SMAD7: variants seen among roughly 807,000 people sequenced by gnomAD.
SMAD7 encodes SMAD family member 7.
In SMAD7, 8 loss-of-function variants were observed where a neutral mutation model predicts 38.7. That is an observed-to-expected ratio of 0.21 (90% confidence interval 0.12 to 0.37). The LOEUF is 0.37. SMAD7 is among the 10% of genes least tolerant of loss of function. The probability of loss-of-function intolerance (pLI) is 1.00; values close to 1 mark genes in which losing one functional copy is unlikely to be tolerated. For missense variants in SMAD7, 477 were observed against 577.9 expected, an observed-to-expected ratio of 0.83 and a Z score of 1.79; for synonymous variants, 327 against 265.1, an observed-to-expected ratio of 1.23 and a Z score of -2.27.
chr18:48,936,079 C>A (rs995265090), intron 3 of SMAD7, among the ~76,000 whole-genome samples: 2 of 23,458 alleles, frequency 8.5e-5, no homozygotes, highest in Non-Finnish European at 1.2e-4. Flanking sequence ...CATCTCAAAA[C>A]ACACACACAC....
At chr18:48,942,450 A>G (rs757207548) in intron 3 of SMAD7, 31 bp downstream of exon 3, 1 of 1,472,790 alleles carries the variant, frequency 6.8e-7, no homozygotes. Context: ...AAAGGTTGGA[A>G]TTGCCAGGAA....
chr18:48,950,170 G>A lies in SMAD7; in HGVS notation c.255C>T (p.Ala85=), dbSNP rs939657757. The part of the protein sequence containing the change: ...PHPPAAGAGA[A]GGAEADLKAL... ...CCTTCAGATCCGCCTCGGCGCCCCC[G>A]GCCGCGCCGGCGCCCGCGGCTGGCG... is the stretch of plus-strand genomic sequence containing the variant. Residue 85 remains alanine, a synonymous_variant, in exon 1 of 4, where the codon GCC becomes GCT. Coordinates refer to ENST00000262158, the MANE Select transcript of SMAD7 (RefSeq NM_005904.4). The A allele has an allele frequency of 4.0e-6, 6 of 1,485,298 alleles. No individual in the cohort carries two copies. Among genetic ancestry groups the A allele is most frequent in the African/African-American group, 3.0e-5 (2 of 67,614 alleles). The allele number at this position is 1,485,298 out of a possible 1,614,324, so 92.0% of individuals were successfully genotyped here. A position where few individuals can be genotyped will look rare whatever the true frequency, so the allele number is the denominator to read the frequency against.
rs568308877 is a variant in SMAD7 at position 48,924,413 on chromosome 18, T to C, written c.743-2503A>G. ...ACCTAGGCAAGGGGTGGAAGCCTTG[T>C]CTGCCAAGGGTGGGGGCCTCTGGGG... is the stretch of plus-strand genomic sequence containing the variant. On this transcript the variant is annotated intron_variant, in intron 3 of 3. Coordinates refer to ENST00000262158, the MANE Select transcript of SMAD7 (RefSeq NM_005904.4). 3.3e-5 allele frequency among the ~76,000 whole-genome samples: 5 copies of C among 152,208 alleles called. No individual in the cohort carries two copies. In the South Asian group the frequency reaches 1.0e-3, roughly 32 times the overall value.
At chr18:48,937,230 AC>A in intron 3 of SMAD7, among the ~76,000 whole-genome samples, 1 of 151,262 alleles carries the variant, frequency 6.6e-6, no homozygotes, top group Non-Finnish European at 1.5e-5. Flanking sequence ...GTACAAGTCT[AC>A]GCAGCTACAG....
At chr18:48,922,049 G>T in intron 3 of SMAD7, 139 bp from the exon 4 acceptor site, 1 of 687,354 alleles carries the variant, frequency 1.5e-6, no homozygotes, top group Non-Finnish European at 2.4e-6. Context: ...GGTGAGGCTA[G>T]TCCTGGACTT....
intron 3 of SMAD7, among the ~76,000 whole-genome samples, chr18:48,927,348 A>G (rs1470474591): frequency 6.6e-6 from 1 of 151,942 alleles, no homozygotes; most frequent in African/African-American, 2.4e-5. Context: ...TCTCCAGTGA[A>G]GTGAGATGGC....
rs1453058176 is a variant in SMAD7 at position 48,950,429 on chromosome 18, G to A, written c.-5C>T. The A allele has an allele frequency of 1.9e-6, 3 of 1,543,930 alleles. No homozygotes were observed. The highest frequency in any genetic ancestry group is 2.6e-6 in the Non-Finnish European group (3 of 1,147,270). On this transcript the variant is annotated 5_prime_UTR_variant, in exon 1 of 4. Transcript: ENST00000262158. ...AGATCGTTTGGTCCTGAACATGCGG[G>A]GCGAGGAGGCGAGGAGAAAAGTCGT...
intron 3 of SMAD7, among the ~76,000 whole-genome samples, chr18:48,940,417 C>T (rs1427584728): frequency 6.6e-6 from 1 of 152,068 alleles, no homozygotes; most frequent in Non-Finnish European, 1.5e-5. Flanking sequence ...TGTTTTACCC[C>T]CAGTTTCTTT....
At chr18:48,949,519 C>A (rs545012464) in intron 1 of SMAD7, among the ~76,000 whole-genome samples, 1 of 152,112 alleles carries the variant, frequency 6.6e-6, no homozygotes, top group South Asian at 2.1e-4. Context: ...TAATTTTTAA[C>A]CGCAGACTGC....
intron 3 of SMAD7, among the ~76,000 whole-genome samples, chr18:48,934,304 G>T (rs1022767121): frequency 6.6e-6 from 1 of 152,102 alleles, no homozygotes; most frequent in South Asian, 2.1e-4. Flanking sequence ...CAGAACTCCT[G>T]CAGGATGAGG....
intron 3 of SMAD7, among the ~76,000 whole-genome samples, chr18:48,931,980 C>G (rs1438282245): frequency 1.7e-5 from 1 of 57,616 alleles, no homozygotes; most frequent in East Asian, 2.8e-4. Flanking sequence ...CAGAAAACAG[C>G]CCCCCCAGCA....
At chr18:48,931,326 T>TA (rs1287685458) in intron 3 of SMAD7, among the ~76,000 whole-genome samples, 1 of 152,256 alleles carries the variant, frequency 6.6e-6, no homozygotes, top group East Asian at 1.9e-4. Flanking sequence ...ATGTATATTT[T>TA]ACCACAATAA....
At chr18:48,939,539 G>T (rs528569545) in intron 3 of SMAD7, among the ~76,000 whole-genome samples, 10 of 152,044 alleles carry the variant, frequency 6.6e-5, no homozygotes, top group African/African-American at 2.2e-4. Context: ...TGCATTTCAG[G>T]AGAGGACCGG....
At position 48,948,436 on chromosome 18, in the gene SMAD7, C is replaced by T; in HGVS notation, c.615G>A (p.Glu205=). 2 of 1,591,410 alleles carry T rather than the reference C, an allele frequency of 1.3e-6. No individual in the cohort carries two copies. The highest frequency in any genetic ancestry group is 2.3e-5 in the East Asian group (1 of 44,050). Residue 205 remains glutamate (E), a splice_region_variant and synonymous_variant, in exon 2 of 4, where the codon GAG becomes GAA. Coordinates refer to ENST00000262158, the MANE Select transcript of SMAD7 (RefSeq NM_005904.4). ...ATCTGGAGTAAGGAGGGGGGGGAGACTCTGAAATTAAAAAAGCAAGAGAAA... is the reference window on the plus strand; with the variant it reads ...ATCTGGAGTAAGGAGGGGGGGGAGATTCTGAAATTAAAAAAGCAAGAGAAA... The part of the protein sequence containing the change: ...PHHLSRLCEL[E]SPPPPYSRYP...
intron 1 of SMAD7, 60 bp from the exon 2 acceptor site, chr18:48,948,497 T>G: frequency 9.8e-5 from 108 of 1,100,542 alleles, no homozygotes; most frequent in Non-Finnish European, 1.3e-4. Flanking sequence ...GATAGAAACT[T>G]ATGATAACAG....
intron 3 of SMAD7, among the ~76,000 whole-genome samples, chr18:48,924,896 C>T (rs2069907730): frequency 6.6e-6 from 1 of 152,272 alleles, no homozygotes. Context: ...CCCCGCACGA[C>T]ATCCCCCATT....
intron 1 of SMAD7, 57 bp from the exon 2 acceptor site, chr18:48,948,494 A>C: frequency 8.2e-7 from 1 of 1,220,812 alleles, no homozygotes; most frequent in Non-Finnish European, 1.2e-6. Flanking sequence ...AGAGATAGAA[A>C]CTTATGATAA....
At chr18:48,938,904 T>C (rs1393500819) in intron 3 of SMAD7, among the ~76,000 whole-genome samples, 2 of 152,188 alleles carry the variant, frequency 1.3e-5, no homozygotes, top group Non-Finnish European at 1.5e-5. Flanking sequence ...GGACCTGTTC[T>C]GGAGTTGCAT....
chr18:48,947,589 G>A (rs1001992524), intron 2 of SMAD7, among the ~76,000 whole-genome samples: 7 of 152,184 alleles, frequency 4.6e-5, no homozygotes, highest in Admixed American at 3.3e-4. Context: ...CTGTAAGAGG[G>A]AGCTCCAGGA....
Sources: gnomAD v4.1 joint callset for allele counts (sites outside exome capture counted in the v4.1 genomes callset) on GRCh38, gnomAD v4.1.1 for gene constraint, MANE v1.5 for transcripts, NCBI Gene and HGNC (gene_info 2026-07-23, HGNC 2026-07-21) for gene names.